KHDC1: variants seen among roughly 807,000 people sequenced by gnomAD.
KHDC1 encodes KH domain containing 1.
Under a neutral mutation model 24.7 loss-of-function variants are expected in KHDC1, and 21 were observed. The observed-to-expected ratio is 0.85, with a 90% CI of 0.60 to 1.23. The LOEUF is 1.23. Ranked by LOEUF, KHDC1 falls within the 50% of genes most tolerant of loss-of-function variation. KHDC1 has a pLI of 0.00. For synonymous variants in KHDC1, 98 were observed against 111.7 expected (o/e 0.88, Z 0.77); for missense variants, 274 against 298.5 (o/e 0.92, Z 0.61).
intron 1 of KHDC1, chr6:73,299,342 C>T (rs1463130869): frequency 6.6e-6 from 1 of 152,262 alleles, no homozygotes; most frequent in Non-Finnish European, 1.5e-5. Context: ...GGACTGACGC[C>T]TCCGACGACC....
intron 1 of KHDC1, among the ~76,000 whole-genome samples, chr6:73,296,704 A>C (rs1024040834): frequency 2.0e-5 from 3 of 152,172 alleles, no homozygotes; most frequent in Non-Finnish European, 4.4e-5. Context: ...ATCTCATCAG[A>C]TCCCAAGAGT....
intron 1 of KHDC1, chr6:73,292,658 A>G: frequency 2.7e-6 from 2 of 754,050 alleles, no homozygotes; most frequent in Non-Finnish European, 5.0e-6. Flanking sequence ...AATATTGTTG[A>G]TCTCTTCCTT....
chr6:73,294,325 C>G (rs1378958203), intron 1 of KHDC1, among the ~76,000 whole-genome samples: 3 of 151,994 alleles, frequency 2.0e-5, no homozygotes, highest in Non-Finnish European at 4.4e-5. Context: ...ATATCCACAG[C>G]ACCTAGAACA....
chr6:73,243,399 T>G (rs1255133253), intron 2 of KHDC1, among the ~76,000 whole-genome samples: 1 of 151,442 alleles, frequency 6.6e-6, no homozygotes, highest in Non-Finnish European at 1.5e-5. Context: ...CCATCAGGAA[T>G]TTCATCTGTG....
At chr6:73,307,625 A>G (rs576693475) in intron 1 of KHDC1, among the ~76,000 whole-genome samples, 3 of 152,250 alleles carry the variant, frequency 2.0e-5, no homozygotes, top group Admixed American at 6.5e-5. Context: ...GGCTTTCCGC[A>G]AGCAACGCCG....
At chr6:73,308,137 C>A (rs1231785973) in intron 1 of KHDC1, among the ~76,000 whole-genome samples, 3 of 147,870 alleles carry the variant, frequency 2.0e-5, no homozygotes, top group Admixed American at 6.8e-5. Context: ...TGCAGTGACG[C>A]GATCACGGCT....
At chr6:73,252,296 G>A (rs567746679) in intron 2 of KHDC1, among the ~76,000 whole-genome samples, 2 of 151,986 alleles carry the variant, frequency 1.3e-5, no homozygotes, top group African/African-American at 4.8e-5. Context: ...TGCCCTCGTC[G>A]ACCTCCCAAA....
At chr6:73,266,236 A>G (rs974674632) in intron 2 of KHDC1, among the ~76,000 whole-genome samples, 3 of 152,234 alleles carry the variant, frequency 2.0e-5, no homozygotes, top group Non-Finnish European at 4.4e-5. Context: ...AATATGTTAA[A>G]ACCTTTAATG....
chr6:73,309,883 C>A, exon 1 of KHDC1: 3 of 700,730 alleles, frequency 4.3e-6, no homozygotes, highest in Non-Finnish European at 7.0e-6. Context: ...CAGACTGGAC[C>A]AATGCACAGT....
intron 2 of KHDC1, among the ~76,000 whole-genome samples, chr6:73,261,312 G>C (rs555197100): frequency 2.0e-5 from 3 of 151,334 alleles, no homozygotes; most frequent in Non-Finnish European, 2.9e-5. Context: ...GCATGGTGGC[G>C]CATGCCTGTA....
intron 2 of KHDC1, among the ~76,000 whole-genome samples, chr6:73,271,725 C>T (rs1450762834): frequency 6.6e-6 from 1 of 151,358 alleles, no homozygotes; most frequent in Non-Finnish European, 1.5e-5. Flanking sequence ...GAAACCCCTT[C>T]TCTACTAAAA....
intron 1 of KHDC1, among the ~76,000 whole-genome samples, chr6:73,293,757 C>G (rs1328091297): frequency 6.8e-6 from 1 of 146,276 alleles, no homozygotes; most frequent in Non-Finnish European, 1.5e-5. Context: ...GTAATCCCAG[C>G]ACTTTGGGAG....
intron 2 of KHDC1, among the ~76,000 whole-genome samples, chr6:73,262,384 T>G (rs1251775960): frequency 6.6e-6 from 1 of 152,270 alleles, no homozygotes; most frequent in Non-Finnish European, 1.5e-5. Context: ...CTTCTTTTTT[T>G]CTTACTATTT....
intron 1 of KHDC1, among the ~76,000 whole-genome samples, chr6:73,298,624 C>T (rs536597779): frequency 1.3e-5 from 2 of 151,590 alleles, no homozygotes; most frequent in Admixed American, 6.6e-5. Context: ...TTAGTACAGA[C>T]GGGGTTTCAC....
intron 2 of KHDC1, among the ~76,000 whole-genome samples, chr6:73,281,142 G>A (rs1164611016): frequency 6.6e-6 from 1 of 152,046 alleles, no homozygotes; most frequent in African/African-American, 2.4e-5. Flanking sequence ...TCAGGAGTTT[G>A]AGACCAGCCT....
rs868770597 is a variant in KHDC1, at chr6:73,309,625, C to T, written c.90G>A (p.Trp30Ter). Residue 30 changes from tryptophan (W) to a stop codon, truncating the protein, a stop_gained, in exon 1 of 5, where the codon TGG becomes TGA. Coordinates refer to ENST00000370384, the Ensembl canonical transcript of KHDC1. LOFTEE classifies it high-confidence loss of function. ...GCATCGCAAGGGTCTGGAGAAAGGG[C>T]CATCCATAAATGAAGATCAGGACTC... 40 of 1,549,580 alleles carry T rather than the reference C, an allele frequency of 2.6e-5. No homozygotes were observed. The highest frequency in any genetic ancestry group is 1.7e-4 in the Middle Eastern group (1 of 6,012).
chr6:73,242,670 G>GT, intron 2 of KHDC1, 140 bp from the exon 2 acceptor site: 1 of 918,670 alleles, frequency 1.1e-6, no homozygotes, highest in Non-Finnish European at 1.6e-6. Context: ...TACAATCCCG[G>GT]TATCTCTTCC....
chr6:73,298,608 G>GT (rs1445021804), intron 1 of KHDC1, among the ~76,000 whole-genome samples: 1 of 151,408 alleles, frequency 6.6e-6, no homozygotes, highest in African/African-American at 2.4e-5. Context: ...GCTAATTTTT[G>GT]TATTTTTAGT....
intron 1 of KHDC1, chr6:73,292,174 A>G: frequency 1.5e-5 from 23 of 1,528,614 alleles, no homozygotes; most frequent in Non-Finnish European, 1.8e-5. Flanking sequence ...ATGCTTTGAA[A>G]GAGAATAGAA....
Sources: allele counts gnomAD v4.1 joint callset (sites outside exome capture counted in the v4.1 genomes callset), GRCh38; gene constraint gnomAD v4.1.1; transcripts MANE v1.5; gene names NCBI Gene and HGNC (gene_info 2026-07-23, HGNC 2026-07-21).